PLEKHH2: variants seen among roughly 807,000 people sequenced by gnomAD.
PLEKHH2 encodes the protein pleckstrin homology domain-containing family H member 2.
PLEKHH2 carries 129 observed loss-of-function variants against 187.9 expected under a neutral mutation model. The observed-to-expected ratio is 0.69, with a 90% confidence interval of 0.59 to 0.79. The LOEUF (loss-of-function observed/expected upper bound fraction) is 0.79. Among genes scored for constraint, PLEKHH2 ranks in the 30% least tolerant of loss-of-function variants. The pLI is 0.00. For synonymous variants in PLEKHH2, 686 were observed against 605.6 expected, an observed-to-expected ratio of 1.13 and a Z score of -1.95; for missense variants, 2,076 against 1,751.2, an observed-to-expected ratio of 1.19 and a Z score of -3.31.
At chr2:43,738,852 T>C (rs1186676481) in intron 20 of PLEKHH2, among the ~76,000 whole-genome samples, 1 of 152,152 alleles carries the variant, frequency 6.6e-6, no homozygotes, top group East Asian at 1.9e-4. Flanking sequence ...GTACGATACA[T>C]TTCTATATTT....
chr2:43,739,459 C>T (rs1671457709), intron 20 of PLEKHH2, among the ~76,000 whole-genome samples: 1 of 152,160 alleles, frequency 6.6e-6, no homozygotes, highest in Admixed American at 6.5e-5. Flanking sequence ...TCAGAAATTT[C>T]TTACCTTAGC....
rs746212226 is a variant in PLEKHH2 at position 43,697,188 on chromosome 2, T to G, written c.520T>G (p.Ser174Ala). 6 of 1,577,734 alleles carry G rather than the reference T, an allele frequency of 3.8e-6. No individual in the cohort carries two copies. The highest frequency in any genetic ancestry group is 5.1e-6 in the Non-Finnish European group (6 of 1,166,886). ...TGTTGTAGAAGTTCAAGGAAAGAAG[T>G]CATCCACTGTCTCTACACTAAAGCT... ...SKLQEVQGKK[S>A]STVSTLKLSE... is the part of the protein sequence containing the mutation. Residue 174 changes from serine to alanine, a missense_variant, in exon 7 of 30, where the codon TCA (serine) becomes GCA (alanine). Transcript: ENST00000282406.
At chr2:43,727,743 C>T (rs931464431) in intron 17 of PLEKHH2, among the ~76,000 whole-genome samples, 1 of 152,148 alleles carries the variant, frequency 6.6e-6, no homozygotes, top group African/African-American at 2.4e-5. Context: ...GACTGAAGCA[C>T]TTTCCTGTGG....
intron 19 of PLEKHH2, among the ~76,000 whole-genome samples, chr2:43,731,869 C>A (rs1052341380): frequency 3.9e-5 from 6 of 151,952 alleles, no homozygotes; most frequent in Non-Finnish European, 5.9e-5. Flanking sequence ...GAATCATTTC[C>A]CCTTTAACCT....
intron 27 of PLEKHH2, 24 bp downstream of exon 27, chr2:43,759,053 G>A (rs751119277): frequency 6.2e-7 from 1 of 1,602,196 alleles, no homozygotes; most frequent in African/African-American, 1.3e-5. Flanking sequence ...GGAGAGAGAT[G>A]CATAATGAAA....
chr2:43,638,139 G>A (rs1437053157), intron 1 of PLEKHH2, among the ~76,000 whole-genome samples: 2 of 152,090 alleles, frequency 1.3e-5, no homozygotes, highest in African/African-American at 4.8e-5. Context: ...GCTGTTCTGG[G>A]CAGGGTCACC....
In PLEKHH2 at chr2:43,699,682, G is replaced by C; in HGVS notation, c.724G>C (p.Val242Leu). Residue 242 changes from valine (V) to leucine (L), a missense_variant, in exon 8 of 30, where the codon GTT becomes CTT. Physicochemically the swap from Val to Leu is conservative, Grantham distance 32. Transcript: ENST00000282406. ...TCCAGAAAAGTCTGTTGATAACCAA[G>C]TTCTAGAAAACAACAGAGGCCAGAG... Reference protein sequence around the residue: ...EIPEKSVDNQVLENNRGQRTL... With the variant: ...EIPEKSVDNQLLENNRGQRTL... 6.2e-7 allele frequency: 1 copy of C among 1,613,664 alleles called. No individual in the cohort carries two copies. The highest frequency in any genetic ancestry group is 8.5e-7 in the Non-Finnish European group (1 of 1,179,776).
intron 2 of PLEKHH2, among the ~76,000 whole-genome samples, chr2:43,674,734 C>T (rs1667648286): frequency 6.6e-6 from 1 of 152,088 alleles, no homozygotes; most frequent in South Asian, 2.1e-4. Flanking sequence ...CCTGTAATCT[C>T]AGCACTTTGG....
chr2:43,697,619 T>G (rs1169365745), intron 7 of PLEKHH2, among the ~76,000 whole-genome samples: 3 of 152,222 alleles, frequency 2.0e-5, no homozygotes, highest in Admixed American at 6.5e-5. Context: ...GTATTTAAAA[T>G]TAAAAAGTTT....
intron 24 of PLEKHH2, among the ~76,000 whole-genome samples, chr2:43,753,278 T>C (rs1391016890): frequency 6.6e-6 from 1 of 152,220 alleles, no homozygotes; most frequent in Non-Finnish European, 1.5e-5. Flanking sequence ...TTTTTATTTA[T>C]ATTTAAAGTG....
intron 22 of PLEKHH2, among the ~76,000 whole-genome samples, chr2:43,743,448 A>C (rs1033901458): frequency 6.6e-6 from 1 of 152,206 alleles, no homozygotes; most frequent in Non-Finnish European, 1.5e-5. Context: ...AACAAACATT[A>C]AATACATAAA....
chr2:43,754,165 TAC>T (rs373399236), intron 25 of PLEKHH2, among the ~76,000 whole-genome samples: 29,594 of 117,858 alleles, frequency 0.25, 3,573 homozygotes, highest in Middle Eastern at 0.31. Context: ...TTCAATCTTC[TAC>T]ACACACACAC....
intron 15 of PLEKHH2, among the ~76,000 whole-genome samples, chr2:43,714,842 A>G (rs529946225): frequency 6.6e-6 from 1 of 152,344 alleles, no homozygotes; most frequent in East Asian, 1.9e-4. Flanking sequence ...ACAATGATAT[A>G]AAGTACAATT....
intron 15 of PLEKHH2, among the ~76,000 whole-genome samples, chr2:43,720,022 G>A (rs1269886850): frequency 6.6e-6 from 1 of 152,056 alleles, no homozygotes; most frequent in East Asian, 1.9e-4. Flanking sequence ...TGCATTCATG[G>A]GGTACAAGTG....
chr2:43,739,856 T>C (rs1266407396), intron 20 of PLEKHH2, among the ~76,000 whole-genome samples: 1 of 152,214 alleles, frequency 6.6e-6, no homozygotes, highest in Non-Finnish European at 1.5e-5. Flanking sequence ...GTAGACTTTA[T>C]AGTCCAGCCT....
intron 14 of PLEKHH2, 64 bp downstream of exon 14, chr2:43,710,639 C>T (rs1355906856): frequency 1.4e-6 from 2 of 1,479,452 alleles, no homozygotes; most frequent in African/African-American, 1.5e-5. Flanking sequence ...CTCAATTATC[C>T]AACCTAATGG....
intron 2 of PLEKHH2, among the ~76,000 whole-genome samples, chr2:43,646,418 T>G (rs1306083887): frequency 6.6e-6 from 1 of 152,210 alleles, no homozygotes; most frequent in African/African-American, 2.4e-5. Context: ...ATTTGTTGCC[T>G]AAGCCTCTCA....
intron 1 of PLEKHH2, among the ~76,000 whole-genome samples, chr2:43,640,553 C>T (rs1465671530): frequency 1.3e-5 from 2 of 152,128 alleles, no homozygotes; most frequent in Non-Finnish European, 2.9e-5. Flanking sequence ...TTTTTACATT[C>T]CCACCAACAA....
intron 3 of PLEKHH2, among the ~76,000 whole-genome samples, chr2:43,686,966 TTC>T (rs893340874): frequency 8.1e-6 from 1 of 123,174 alleles, no homozygotes; most frequent in Non-Finnish European, 1.6e-5. Flanking sequence ...ATGTCCCCCC[TTC>T]TCTCTATATA....
Sources: gnomAD v4.1 joint callset for allele counts (sites outside exome capture counted in the v4.1 genomes callset) on GRCh38, gnomAD v4.1.1 for gene constraint, MANE v1.5 for transcripts, NCBI Gene and HGNC (gene_info 2026-07-23, HGNC 2026-07-21) for gene names.